The following DOCK5 variants were observed in gnomAD, a reference collection of about 807,000 sequenced individuals.
DOCK5 encodes the protein dedicator of cytokinesis 5, also known as dedicator of cytokinesis protein 5.
A neutral mutation model predicts 251.8 loss-of-function variants in DOCK5; 142 were observed. The observed-to-expected ratio is 0.56, with a 90% CI of 0.49 to 0.65. The LOEUF (loss-of-function observed/expected upper bound fraction) is 0.65. Among genes scored for constraint, DOCK5 ranks in the 30% least tolerant of loss-of-function variants. The probability of loss-of-function intolerance (pLI) is 0.00; values close to 1 mark genes in which losing one functional copy is unlikely to be tolerated. For missense variants in DOCK5, 2,111 were observed against 2,312.3 expected (o/e 0.91, Z 1.79); for synonymous variants, 842 against 835.5 (o/e 1.01, Z -0.13).
intron 25 of DOCK5, among the ~76,000 whole-genome samples, chr8:25,343,387 TTGTA>T (rs1800290307): frequency 6.6e-6 from 1 of 152,164 alleles, no homozygotes; most frequent in Non-Finnish European, 1.5e-5. Flanking sequence ...TTGTTGCCAG[TTGTA>T]TGTAAGGACC....
intron 1 of DOCK5, among the ~76,000 whole-genome samples, chr8:25,206,908 C>G (rs1034211752): frequency 8.5e-5 from 13 of 152,158 alleles, no homozygotes; most frequent in Admixed American, 7.2e-4. Context: ...CACAAGGAAA[C>G]TGAAAAAGCT....
intron 1 of DOCK5, among the ~76,000 whole-genome samples, chr8:25,190,281 A>G (rs1359807971): frequency 6.6e-6 from 1 of 152,254 alleles, no homozygotes; most frequent in Non-Finnish European, 1.5e-5. Context: ...AAATGAAAAC[A>G]GCCGTATTGA....
chr8:25,327,986 T>A lies in DOCK5; in HGVS notation c.1903+2439T>A, dbSNP rs573971911. 1.9e-3 allele frequency among the ~76,000 whole-genome samples: 287 copies of A among 152,252 alleles called. 3 individuals carry two copies. Among genetic ancestry groups the A allele is most frequent in the African/African-American group, 6.6e-3 (276 of 41,548 alleles). Reference sequence around the variant, plus strand: ...TGTGTCAGAACATCATGTTGTACACTGCAAATACATACAATTTTTATTTGT... The same window carrying A: ...TGTGTCAGAACATCATGTTGTACACAGCAAATACATACAATTTTTATTTGT... On this transcript the variant is annotated intron_variant, in intron 18 of 51. Transcript: ENST00000276440.
At position 25,325,565 on chromosome 8, in the gene DOCK5, A is replaced by G. The variant is rs1328534849; in HGVS notation, c.1903+18A>G. On this transcript the variant is annotated intron_variant, in intron 18 of 51. Coordinates refer to ENST00000276440, the MANE Select transcript of DOCK5 (RefSeq NM_024940.8). ...CCAGAATGGTAGGAGTGGTGAATAC[A>G]CTGACACAAATAAGCTTCTTGCTCA... is the stretch of plus-strand genomic sequence containing the variant. 1.2e-6 allele frequency: 2 copies of G among 1,610,216 alleles called. No individual in the cohort carries two copies. Among genetic ancestry groups the G allele is most frequent in the Middle Eastern group, 1.7e-4 (1 of 6,040 alleles).
intron 1 of DOCK5, among the ~76,000 whole-genome samples, chr8:25,235,363 C>T (rs1037191235): frequency 2.0e-5 from 3 of 152,070 alleles, no homozygotes; most frequent in East Asian, 1.9e-4. Context: ...TGGGCTCAAG[C>T]GATCCTCCCA....
At chr8:25,240,858 G>T (rs1186885043) in intron 1 of DOCK5, among the ~76,000 whole-genome samples, 1 of 152,130 alleles carries the variant, frequency 6.6e-6, no homozygotes, top group African/African-American at 2.4e-5. Flanking sequence ...AGGAAGTCAA[G>T]GTGCAAACAG....
At position 25,345,581 on chromosome 8, in the gene DOCK5, C is replaced by T; in HGVS notation, c.2724C>T (p.Asn908=). ...AGGCAAGCTCGCAGCTTCTGAGCAACATCCTGGAGGTGCTGGACAGGAAGG... is the reference window on the plus strand; with the variant it reads ...AGGCAAGCTCGCAGCTTCTGAGCAATATCCTGGAGGTGCTGGACAGGAAGG... The part of the protein sequence containing the change: ...DHEASSQLLS[N]ILEVLDRKDV... Residue 908 remains asparagine (N), a synonymous_variant, in exon 26 of 52, where the codon AAC becomes AAT. Transcript: ENST00000276440. The T allele has an allele frequency of 1.2e-6, 2 of 1,613,922 alleles. No individual in the cohort carries two copies. The highest frequency in any genetic ancestry group is 1.3e-5 in the African/African-American group (1 of 75,058).
intron 18 of DOCK5, among the ~76,000 whole-genome samples, chr8:25,331,797 TATATAGAGAGAGAGAGAG>T (rs1397977121): frequency 3.2e-4 from 13 of 40,076 alleles, no homozygotes; most frequent in South Asian, 2.5e-3. Context: ...TATATATATA[TATATAGAGAGAGAGAGAG>T]AGAGAGAGAG....
chr8:25,325,634 T>A, intron 18 of DOCK5, 87 bp downstream of exon 18: 2 of 1,485,016 alleles, frequency 1.3e-6, no homozygotes, highest in East Asian at 4.6e-5. Context: ...CTGGACTATA[T>A]GGGGCTGGGT....
intron 40 of DOCK5, among the ~76,000 whole-genome samples, chr8:25,387,965 G>T (rs1801193261): frequency 6.6e-6 from 1 of 152,044 alleles, no homozygotes; most frequent in Non-Finnish European, 1.5e-5. Flanking sequence ...ACCCACCATT[G>T]TTTCATCTGA....
chr8:25,314,868 G>A (rs1035131105), intron 13 of DOCK5, among the ~76,000 whole-genome samples: 2 of 150,130 alleles, frequency 1.3e-5, no homozygotes, highest in Admixed American at 6.7e-5. Context: ...AGACCTGTCA[G>A]CATTACCTTT....
chr8:25,406,119 C>T (rs1188615596), intron 48 of DOCK5, among the ~76,000 whole-genome samples: 3 of 151,972 alleles, frequency 2.0e-5, no homozygotes, highest in African/African-American at 2.4e-5. Context: ...CCACCATGCC[C>T]GACTAATTTT....
chr8:25,341,765 C>G lies in DOCK5; in HGVS notation c.2466C>G (p.Ser822Arg). The change falls in exon 24 of 52, where the codon AGC becomes AGG. Residue 822 changes from serine to arginine, a missense_variant. Ser to Arg is a moderately radical substitution (Grantham distance 110, BLOSUM62 -1). This residue lies in a region of DOCK5 where 1,717 missense variants were observed against 1,892.4 expected (regional missense o/e 0.91). Transcript: ENST00000276440. ...IKGAALKYLP[S>R]IINDVKLVFD... ...GGGCAGCTTTGAAGTACCTTCCTAG[C>G]ATAATTAATGATGTCAAACTTGTAT... 1 of 1,579,086 alleles carries G rather than the reference C, an allele frequency of 6.3e-7. No individual in the cohort carries two copies. Among genetic ancestry groups the G allele is most frequent in the Non-Finnish European group, 8.6e-7 (1 of 1,160,648 alleles).
At chr8:25,360,385 T>C (rs1800654944) in intron 28 of DOCK5, among the ~76,000 whole-genome samples, 1 of 151,998 alleles carries the variant, frequency 6.6e-6, no homozygotes, top group Non-Finnish European at 1.5e-5. Context: ...TAGCAATATG[T>C]AGATGTGCCT....
At chr8:25,368,147 A>G in intron 31 of DOCK5, 45 bp from the exon 32 acceptor site, 1 of 1,467,824 alleles carries the variant, frequency 6.8e-7, no homozygotes, top group Non-Finnish European at 9.5e-7. Flanking sequence ...TATGCAATTC[A>G]TTTCTACTGA....
intron 18 of DOCK5, among the ~76,000 whole-genome samples, chr8:25,330,358 A>G (rs1805655671): frequency 6.6e-6 from 1 of 152,228 alleles, no homozygotes; most frequent in African/African-American, 2.4e-5. Flanking sequence ...AAGAATGAAT[A>G]CTATATGATT....
intron 2 of DOCK5, among the ~76,000 whole-genome samples, chr8:25,248,306 C>T (rs941095137): frequency 3.3e-5 from 5 of 152,190 alleles, no homozygotes; most frequent in African/African-American, 1.2e-4. Context: ...GGCCGGAGTG[C>T]TTTGCAAACA....
At chr8:25,214,343 C>T (rs979647750) in intron 1 of DOCK5, among the ~76,000 whole-genome samples, 3 of 152,038 alleles carry the variant, frequency 2.0e-5, no homozygotes, top group African/African-American at 7.2e-5. Context: ...TCCAGGAGGG[C>T]ACAGAGAGGT....
intron 34 of DOCK5, 49 bp downstream of exon 34, chr8:25,369,690 T>C: frequency 3.3e-6 from 5 of 1,520,846 alleles, no homozygotes; most frequent in Non-Finnish European, 4.5e-6. Flanking sequence ...CATTTAGTAA[T>C]AGAGAAAAAC....
Sources: allele counts gnomAD v4.1 joint callset (sites outside exome capture counted in the v4.1 genomes callset), GRCh38; gene constraint gnomAD v4.1.1; regional missense constraint gnomAD v4.1.1; transcripts MANE v1.5; gene names NCBI Gene and HGNC (gene_info 2026-07-23, HGNC 2026-07-21).